DMXL1: variants seen among roughly 807,000 people sequenced by gnomAD.
The protein encoded by DMXL1 is Dmx like 1, also known as dmX-like protein 1.
Under a neutral mutation model 319.2 loss-of-function variants are expected in DMXL1, and 99 were observed. The ratio of observed to expected loss-of-function variants is 0.31; its 90% confidence interval spans 0.26 to 0.37. DMXL1 has a LOEUF of 0.37. DMXL1 is among the 10% of genes least tolerant of loss of function. DMXL1 has a pLI of 1.00. For missense variants in DMXL1, 3,745 were observed against 3,595.6 expected (o/e 1.04, Z -1.06); for synonymous variants, 1,385 against 1,235.2 (o/e 1.12, Z -2.54).
At chr5:119,116,112 T>C in intron 6 of DMXL1, 46 bp from the exon 7 acceptor site, 2 of 1,535,392 alleles carry the variant, frequency 1.3e-6, no homozygotes, top group Non-Finnish European at 1.8e-6. Flanking sequence ...ATTTAATCTT[T>C]AATTCTGATC....
In DMXL1 at chr5:119,211,226, T is replaced by TA. The variant is rs1342814606; in HGVS notation, c.7926+4331dup. Among the ~76,000 whole-genome samples, 49 of 152,198 alleles carry TA rather than the reference T, an allele frequency of 3.2e-4. 1 individual carries two copies. The highest frequency in any genetic ancestry group is 3.2e-3 in the Admixed American group (49 of 15,284). On this transcript the variant is annotated intron_variant, in intron 34 of 43. Transcript: ENST00000539542. ...GAGGGATATTGGTTTGTAGTTTTCTTACAATGTTGTTTGTGTTGGTCTCAG... is the reference window on the plus strand; with the variant it reads ...GAGGGATATTGGTTTGTAGTTTTCTTAACAATGTTGTTTGTGTTGGTCTCAG...
At chr5:119,191,966 A>G (rs1285174702) in intron 29 of DMXL1, among the ~76,000 whole-genome samples, 1 of 152,090 alleles carries the variant, frequency 6.6e-6, no homozygotes, top group Non-Finnish European at 1.5e-5. Flanking sequence ...ATTTTGTTCA[A>G]TTTTATTGTT....
intron 1 of DMXL1, among the ~76,000 whole-genome samples, chr5:119,095,347 T>G (rs9327087): frequency 0.25 from 38,606 of 152,166 alleles, 5,742 homozygotes; most frequent in Non-Finnish European, 0.35. Flanking sequence ...GGTATTTTCC[T>G]CTGTATAGTA....
chr5:119,082,915 G>C (rs1752554437), intron 1 of DMXL1, among the ~76,000 whole-genome samples: 1 of 152,146 alleles, frequency 6.6e-6, no homozygotes, highest in Non-Finnish European at 1.5e-5. Context: ...CTCTTTATGA[G>C]ATCCACTTTT....
chr5:119,151,827 C>G, intron 18 of DMXL1, 102 bp from the exon 19 acceptor site: 3 of 588,744 alleles, frequency 5.1e-6, no homozygotes, highest in South Asian at 5.5e-5. Flanking sequence ...ACACTGATAA[C>G]TTTTTTCTTG....
Position 119,170,534 on chromosome 5 carries a change from A to C in DMXL1, c.5743A>C (p.Arg1915=). 6.2e-7 allele frequency: 1 copy of C among 1,613,804 alleles called. No individual in the cohort carries two copies. The highest frequency in any genetic ancestry group is 1.3e-5 in the African/African-American group (1 of 75,002). ...SPSSPLKLDA[R]EDKSSAVDWS... is the part of the protein sequence containing the mutation. ...TTCTTCTCCATTAAAGTTGGATGCA[A>C]GGGAAGATAAGTCTTCTGCTGTTGA... Residue 1915 remains arginine, a synonymous_variant, in exon 24 of 44, where the codon AGG becomes CGG. Coordinates refer to ENST00000539542, the MANE Select transcript of DMXL1 (RefSeq NM_001290321.3).
intron 23 of DMXL1, among the ~76,000 whole-genome samples, chr5:119,169,366 T>C (rs1774096212): frequency 6.6e-6 from 1 of 152,196 alleles, no homozygotes; most frequent in Admixed American, 6.5e-5. Context: ...GGATTTGGGA[T>C]ATGATTTTAA....
intron 40 of DMXL1, among the ~76,000 whole-genome samples, chr5:119,238,583 A>G (rs192186861): frequency 3.3e-4 from 51 of 152,284 alleles, no homozygotes; most frequent in African/African-American, 1.2e-3. Context: ...ATCTTCTGAA[A>G]CAGAAATTTT....
intron 19 of DMXL1, among the ~76,000 whole-genome samples, chr5:119,162,192 T>C (rs1265251510): frequency 6.6e-6 from 1 of 152,206 alleles, no homozygotes; most frequent in Non-Finnish European, 1.5e-5. Flanking sequence ...AGACTGTTAC[T>C]CTTACCCTTC....
Position 119,101,975 on chromosome 5 carries a change from C to G in DMXL1, c.254C>G (p.Pro85Arg), listed in dbSNP as rs1250008793. 1 of 1,604,400 alleles carries G rather than the reference C, an allele frequency of 6.2e-7. No homozygotes were observed. Among genetic ancestry groups the G allele is most frequent in the African/African-American group, 1.3e-5 (1 of 74,514 alleles). ...GGAAATGTTATCTCCATTTTTGAAC[C>G]AGTTAACCTACCAAAACAAAAGAAA... ...SYGNVISIFE[P>R]VNLPKQKKNL... Residue 85 changes from proline to arginine, a missense_variant, in exon 3 of 44, where the codon CCA (proline) becomes CGA (arginine). Around this residue, in one of 4 missense-constraint regions of DMXL1, gnomAD observed 2,096 missense variants for 1,985.4 expected, o/e 1.06. Coordinates refer to ENST00000539542, the MANE Select transcript of DMXL1 (RefSeq NM_001290321.3).
At chr5:119,208,299 C>A (rs180766562) in intron 34 of DMXL1, among the ~76,000 whole-genome samples, 1 of 151,166 alleles carries the variant, frequency 6.6e-6, no homozygotes, top group Non-Finnish European at 1.5e-5. Context: ...CTGCAAGCTC[C>A]GCCTCCCGGG....
At chr5:119,089,557 C>T (rs1754226133) in intron 1 of DMXL1, among the ~76,000 whole-genome samples, 1 of 150,800 alleles carries the variant, frequency 6.6e-6, no homozygotes, top group Non-Finnish European at 1.5e-5. Flanking sequence ...ATCTACCCAC[C>T]TTGGCCTCCC....
intron 8 of DMXL1, 30 bp from the exon 9 acceptor site, chr5:119,120,941 T>A: frequency 6.3e-7 from 1 of 1,575,130 alleles, no homozygotes; most frequent in Non-Finnish European, 8.6e-7. Context: ...TTTGACAATA[T>A]AGGTATTAGT....
intron 4 of DMXL1, 90 bp downstream of exon 4, chr5:119,105,348 G>T (rs111644844): frequency 0.013 from 13,978 of 1,040,964 alleles, 598 homozygotes; most frequent in African/African-American, 0.12. Context: ...ACTTCTGCTG[G>T]GTGTGAGGTT....
rs535592587 is a variant in DMXL1 at position 119,163,159 on chromosome 5, A to G, written c.4703-1348A>G. 2.0e-5 allele frequency among the ~76,000 whole-genome samples: 3 copies of G among 152,318 alleles called. No homozygotes were observed. In the East Asian group the frequency reaches 5.8e-4, roughly 29 times the overall value. On this transcript the variant is annotated intron_variant, in intron 19 of 43. Coordinates refer to ENST00000539542, the MANE Select transcript of DMXL1 (RefSeq NM_001290321.3). ...TATGGAGTAATAATTACTGTGTGCCAGATTCTATTCTAAATTTTATAACTA... is the reference window on the plus strand; with the variant it reads ...TATGGAGTAATAATTACTGTGTGCCGGATTCTATTCTAAATTTTATAACTA...
intron 19 of DMXL1, 84 bp downstream of exon 19, chr5:119,152,120 A>C (rs1769933309): frequency 1.2e-6 from 1 of 823,928 alleles, no homozygotes; most frequent in African/African-American, 1.7e-5. Context: ...GTTTTTACCC[A>C]AAAATGATAA....
intron 4 of DMXL1, among the ~76,000 whole-genome samples, chr5:119,109,041 TC>T (rs1758983531): frequency 2.0e-5 from 3 of 152,052 alleles, no homozygotes; most frequent in Admixed American, 6.5e-5. Flanking sequence ...CCTCAGGTGA[TC>T]CACCCGCCTT....
At chr5:119,096,173 T>A (rs1435098391) in intron 1 of DMXL1, among the ~76,000 whole-genome samples, 2 of 135,392 alleles carry the variant, frequency 1.5e-5, no homozygotes, top group Admixed American at 1.7e-4. Context: ...GTATATGAAG[T>A]ATAATTTTTT....
At chr5:119,179,156 A>G (rs541505937) in intron 28 of DMXL1, among the ~76,000 whole-genome samples, 1 of 151,998 alleles carries the variant, frequency 6.6e-6, no homozygotes, top group Admixed American at 6.6e-5. Flanking sequence ...TTAAAACTGT[A>G]TTTTTTTCAT....
Sources: gnomAD v4.1 joint callset for allele counts (sites outside exome capture counted in the v4.1 genomes callset) on GRCh38, gnomAD v4.1.1 for gene constraint, gnomAD v4.1.1 regional missense constraint, MANE v1.5 for transcripts, NCBI Gene and HGNC (gene_info 2026-07-23, HGNC 2026-07-21) for gene names.